Variants in PNLIP observed in about 807,000 individuals in gnomAD.
The protein encoded by PNLIP is pancreatic lipase.
PNLIP carries 49 observed loss-of-function variants against 57.1 expected under a neutral mutation model. That is an observed-to-expected ratio of 0.86 (90% confidence interval 0.68 to 1.09). The LOEUF (loss-of-function observed/expected upper bound fraction) is 1.09, where lower values mean the gene tolerates loss of function less well. Ranked by LOEUF, PNLIP falls within the 50% of genes least tolerant of loss-of-function variation. The pLI is 0.00. For synonymous variants in PNLIP, 209 were observed against 200.4 expected (o/e 1.04, Z -0.36); for missense variants, 503 against 570.2 (o/e 0.88, Z 1.20).
chr10:116,564,082 G>A (rs1197148973), intron 12 of PNLIP, among the ~76,000 whole-genome samples: 1 of 151,902 alleles, frequency 6.6e-6, no homozygotes, highest in Non-Finnish European at 1.5e-5. Context: ...AAAATCACAA[G>A]AAACATGAAG....
At chr10:116,548,818 AT>A (rs778866108) in intron 4 of PNLIP, among the ~76,000 whole-genome samples, 34 of 152,152 alleles carry the variant, frequency 2.2e-4, no homozygotes, top group Non-Finnish European at 4.6e-4. Context: ...TTAGTTTTTA[AT>A]TTTATGTGAA....
In PNLIP at chr10:116,567,815, G is replaced by T; in HGVS notation, c.*17G>T. ...CCGTGTTAGGAGACTACTGTTATTT[G>T]ACCAATGAATTGACTTCTAATAAAA... On this transcript the variant is annotated 3_prime_UTR_variant, in exon 13 of 13. Coordinates refer to ENST00000369221, the MANE Select transcript of PNLIP (RefSeq NM_000936.4). The T allele has an allele frequency of 6.3e-7, 1 of 1,592,650 alleles. No individual in the cohort carries two copies. The highest frequency in any genetic ancestry group is 1.1e-5 in the South Asian group (1 of 90,666).
intron 12 of PNLIP, among the ~76,000 whole-genome samples, chr10:116,565,817 A>T (rs1428679930): frequency 1.4e-5 from 2 of 139,248 alleles, no homozygotes; most frequent in Non-Finnish European, 3.1e-5. Context: ...TATTTATAGC[A>T]ATTTTTTTTT....
chr10:116,558,199 CTTTT>C (rs71010092), intron 9 of PNLIP, among the ~76,000 whole-genome samples: 6 of 118,256 alleles, frequency 5.1e-5, no homozygotes, highest in Admixed American at 8.5e-5. Flanking sequence ...ATCTTTCTTT[CTTTT>C]TTTTTTTTTT....
rs1847387128 is a variant in PNLIP, at chr10:116,567,820, A to G, written c.*22A>G. ...TTAGGAGACTACTGTTATTTGACCA[A>G]TGAATTGACTTCTAATAAAATCTAG... On this transcript the variant is annotated 3_prime_UTR_variant, in exon 13 of 13. Coordinates refer to ENST00000369221, the MANE Select transcript of PNLIP (RefSeq NM_000936.4). 2 of 1,569,396 alleles carry G rather than the reference A, an allele frequency of 1.3e-6. No individual in the cohort carries two copies. Among genetic ancestry groups the G allele is most frequent in the African/African-American group, 1.4e-5 (1 of 73,992 alleles).
Position 116,561,493 on chromosome 10 carries a change from T to C in PNLIP, c.1191T>C (p.Ser397=). ...EIFKGTLKPD[S]THSNEFDSDV... ...TTAGGGGCACTCTCAAACCAGATAGTACTCATTCCAATGAATTTGACTCAG... is the reference window on the plus strand; with the variant it reads ...TTAGGGGCACTCTCAAACCAGATAGCACTCATTCCAATGAATTTGACTCAG... The change falls in exon 12 of 13, where the codon AGT becomes AGC. Residue 397 remains serine (S), a synonymous_variant. Coordinates refer to ENST00000369221, the MANE Select transcript of PNLIP (RefSeq NM_000936.4). 1 of 1,613,862 alleles carries C rather than the reference T, an allele frequency of 6.2e-7. No homozygotes were observed.
rs116100922 is a variant in PNLIP, at chr10:116,562,465, G to A, written c.1334+829G>A. Among the ~76,000 whole-genome samples, 534 of 152,258 alleles carry A rather than the reference G, an allele frequency of 3.5e-3. 4 individuals are homozygous for A. Among genetic ancestry groups the A allele is most frequent in the African/African-American group, 0.012 (506 of 41,536 alleles). On this transcript the variant is annotated intron_variant, in intron 12 of 12. Coordinates refer to ENST00000369221, the MANE Select transcript of PNLIP (RefSeq NM_000936.4). ...GGCAGTTGCCCCAGCTTACTGCTCC[G>A]AGAGATTTCCAGGATGTGTCACAGG...
rs183878317 is a variant in PNLIP, at chr10:116,567,175, T to G, written c.1335-560T>G. Among the ~76,000 whole-genome samples, 320 of 148,230 alleles carry G rather than the reference T, an allele frequency of 2.2e-3. 3 individuals carry two copies. Among genetic ancestry groups the G allele is most frequent in the African/African-American group, 8.0e-3 (306 of 38,076 alleles). On this transcript the variant is annotated intron_variant, in intron 12 of 12. Coordinates refer to ENST00000369221, the MANE Select transcript of PNLIP (RefSeq NM_000936.4). The stretch of plus-strand genomic sequence containing the variant: ...TTTCTTTCTTTTCTTTCTTTCTCTT[T>G]CTTTCTTTTCTTTCTTTCCTTCTTT...
At chr10:116,554,256 T>G (rs879590497) in intron 6 of PNLIP, among the ~76,000 whole-genome samples, 1 of 152,212 alleles carries the variant, frequency 6.6e-6, no homozygotes, top group Admixed American at 6.5e-5. Flanking sequence ...AAGGACAAGT[T>G]TCATGAATAG....
chr10:116,555,043 G>T, intron 6 of PNLIP, 135 bp from the exon 7 acceptor site: 1 of 963,964 alleles, frequency 1.0e-6, no homozygotes, highest in East Asian at 2.4e-5. Flanking sequence ...CAAATAGCTA[G>T]AAGTAGATTC....
chr10:116,562,408 G>T (rs1324155877), intron 12 of PNLIP, among the ~76,000 whole-genome samples: 1 of 152,214 alleles, frequency 6.6e-6, no homozygotes, highest in Non-Finnish European at 1.5e-5. Context: ...GATAGTGATT[G>T]CTGAGAGACA....
rs146136936 is a variant in PNLIP, at chr10:116,557,552, C to T, written c.930+1434C>T. ...CTGTATTTAGAGATGACGTCTTGGG[C>T]TTGTCTATTCTTCTGGCTCTAGCAA... On this transcript the variant is annotated intron_variant, in intron 9 of 12. Transcript: ENST00000369221. 3.7e-3 allele frequency among the ~76,000 whole-genome samples: 569 copies of T among 152,298 alleles called. 7 individuals are homozygous for T. The highest frequency in any genetic ancestry group is 0.013 in the African/African-American group (529 of 41,556).
At chr10:116,550,170 T>C (rs978469430) in intron 4 of PNLIP, among the ~76,000 whole-genome samples, 6 of 149,330 alleles carry the variant, frequency 4.0e-5, no homozygotes, top group African/African-American at 7.4e-5. Flanking sequence ...GCCATTCTCC[T>C]GCCTCAGCCT....
chr10:116,561,723 C>T (rs1043258175), intron 12 of PNLIP, 87 bp downstream of exon 12: 16 of 1,183,012 alleles, frequency 1.4e-5, no homozygotes, highest in East Asian at 2.4e-5. Flanking sequence ...TAAGTGAAAC[C>T]TCCTACAGGG....
chr10:116,561,113 T>C (rs1411737576), intron 11 of PNLIP, among the ~76,000 whole-genome samples: 1 of 152,224 alleles, frequency 6.6e-6, no homozygotes, highest in Non-Finnish European at 1.5e-5. Flanking sequence ...TTATGATCAG[T>C]AATTAATTAG....
At chr10:116,547,252 A>G in intron 2 of PNLIP, 42 bp from the exon 3 acceptor site, 2 of 1,597,570 alleles carry the variant, frequency 1.3e-6, no homozygotes, top group Non-Finnish European at 1.7e-6. Flanking sequence ...ATCATTAAAA[A>G]GAGCATGTTT....
intron 12 of PNLIP, 130 bp downstream of exon 12, chr10:116,561,766 A>G (rs551959068): frequency 3.7e-4 from 259 of 704,820 alleles, no homozygotes; most frequent in South Asian, 4.4e-4. Context: ...GTTGCTTCCT[A>G]ATGCCTTCTG....
At chr10:116,547,036 G>T (rs1847133049) in intron 2 of PNLIP, among the ~76,000 whole-genome samples, 1 of 152,308 alleles carries the variant, frequency 6.6e-6, no homozygotes, top group East Asian at 1.9e-4. Context: ...AGGCTAAAAG[G>T]AGTCCCACGT....
chr10:116,564,478 G>C (rs1325969897), intron 12 of PNLIP, among the ~76,000 whole-genome samples: 3 of 152,066 alleles, frequency 2.0e-5, no homozygotes, highest in Non-Finnish European at 4.4e-5. Flanking sequence ...TTTTAAAACT[G>C]AAATAATTCC....
Sources: gnomAD v4.1 joint callset for allele counts (sites outside exome capture counted in the v4.1 genomes callset) on GRCh38, gnomAD v4.1.1 for gene constraint, MANE v1.5 for transcripts, NCBI Gene and HGNC (gene_info 2026-07-23, HGNC 2026-07-21) for gene names.